The following SLC4A7 variants were observed in gnomAD, a reference collection of about 807,000 sequenced individuals.
The protein encoded by SLC4A7 is solute carrier family 4 member 7.
In SLC4A7, 51 loss-of-function variants were observed where a neutral mutation model predicts 137.6. That is an observed-to-expected ratio of 0.37 (90% confidence interval 0.30 to 0.47). SLC4A7 has a LOEUF of 0.47. SLC4A7 is among the 20% of genes least tolerant of loss of function. The probability of loss-of-function intolerance (pLI) is 1.00; values close to 1 mark genes in which losing one functional copy is unlikely to be tolerated. For missense variants in SLC4A7, 1,247 were observed against 1,525.4 expected (o/e 0.82, Z 3.04); for synonymous variants, 542 against 518.6 (o/e 1.05, Z -0.61).
At chr3:27,445,483 T>C (rs1339994643) in intron 3 of SLC4A7, among the ~76,000 whole-genome samples, 1 of 152,126 alleles carries the variant, frequency 6.6e-6, no homozygotes, top group Non-Finnish European at 1.5e-5. Context: ...CTGCCTCTTA[T>C]ACAATGTCTT....
intron 5 of SLC4A7, among the ~76,000 whole-genome samples, chr3:27,436,124 C>CA (rs1021000869): frequency 6.6e-6 from 1 of 152,086 alleles, no homozygotes; most frequent in African/African-American, 2.4e-5. Flanking sequence ...ATCCCCATTC[C>CA]AAAAAACAAG....
At position 27,484,192 on chromosome 3, in the gene SLC4A7, C is replaced by CT. The variant is rs1459548574; in HGVS notation, c.-67dup. 1 of 1,194,576 alleles carries CT rather than the reference C, an allele frequency of 8.4e-7. No homozygotes were observed. The highest frequency in any genetic ancestry group is 1.1e-6 in the Non-Finnish European group (1 of 951,506). 74.0% of individuals were successfully genotyped at this position (1,194,576 alleles called of 1,614,324 possible). The stretch of plus-strand genomic sequence containing the variant: ...CCGCGCGGTCTGCCTGCTTCTGCCG[C>CT]TGCCCCTGCCGCCGCCGCCGAGCCC... On this transcript the variant is annotated 5_prime_UTR_variant, in exon 1 of 26. Transcript: ENST00000454389.
At chr3:27,445,965 TATATATA>T (rs1197510693) in intron 3 of SLC4A7, among the ~76,000 whole-genome samples, 1 of 12,874 alleles carries the variant, frequency 7.8e-5, no homozygotes, top group Non-Finnish European at 1.3e-4. Context: ...AAAAAAAAAA[TATATATA>T]TATATATATA....
chr3:27,425,999 G>C (rs1199450771), intron 7 of SLC4A7, among the ~76,000 whole-genome samples: 1 of 152,166 alleles, frequency 6.6e-6, no homozygotes, highest in African/African-American at 2.4e-5. Context: ...TGGTAATCAA[G>C]TTCCAGAATT....
intron 1 of SLC4A7, among the ~76,000 whole-genome samples, chr3:27,456,309 G>A (rs2058405200): frequency 6.6e-6 from 1 of 152,120 alleles, no homozygotes; most frequent in Non-Finnish European, 1.5e-5. Flanking sequence ...ACCATATGGA[G>A]TAAATTCATA....
chr3:27,382,894 A>G (rs952976683), intron 24 of SLC4A7, among the ~76,000 whole-genome samples: 5 of 152,224 alleles, frequency 3.3e-5, no homozygotes, highest in Non-Finnish European at 7.3e-5. Flanking sequence ...ATGGAGTGAT[A>G]GAAGACAAGC....
intron 1 of SLC4A7, among the ~76,000 whole-genome samples, chr3:27,458,804 C>T (rs112120825): frequency 0.055 from 8,340 of 152,034 alleles, 759 homozygotes; most frequent in African/African-American, 0.19. Context: ...GCCTGGCCAA[C>T]GTGGTGAAAC....
chr3:27,479,665 C>A (rs1388177846), intron 1 of SLC4A7, among the ~76,000 whole-genome samples: 1 of 152,012 alleles, frequency 6.6e-6, no homozygotes, highest in African/African-American at 2.4e-5. Context: ...TTCCAAACTG[C>A]AAAAATGCAA....
At chr3:27,458,104 A>C (rs575187332) in intron 1 of SLC4A7, among the ~76,000 whole-genome samples, 109 of 152,352 alleles carry the variant, frequency 7.2e-4, no homozygotes, top group African/African-American at 2.5e-3. Flanking sequence ...TTGGATATGC[A>C]GCAGAAATGT....
At chr3:27,459,990 T>C (rs9872945) in intron 1 of SLC4A7, among the ~76,000 whole-genome samples, 21,894 of 89,872 alleles carry the variant, frequency 0.24, 1,795 homozygotes, top group African/African-American at 0.37. Flanking sequence ...TATATATATA[T>C]ACACACACAC....
chr3:27,404,995 A>C, intron 13 of SLC4A7, 32 bp from the exon 14 acceptor site: 1 of 1,497,566 alleles, frequency 6.7e-7, no homozygotes, highest in Non-Finnish European at 9.0e-7. Context: ...GAATAAAAGC[A>C]ATACATCATA....
At chr3:27,435,504 A>C (rs750645290) in intron 5 of SLC4A7, among the ~76,000 whole-genome samples, 1 of 152,162 alleles carries the variant, frequency 6.6e-6, no homozygotes, top group Non-Finnish European at 1.5e-5. Context: ...CTATTCCTCA[A>C]CTTAAAAACC....
At chr3:27,475,516 C>T (rs1245990399) in intron 1 of SLC4A7, among the ~76,000 whole-genome samples, 1 of 151,956 alleles carries the variant, frequency 6.6e-6, no homozygotes, top group East Asian at 1.9e-4. Context: ...CAAATTTTAC[C>T]TTGTTTTGAA....
intron 3 of SLC4A7, among the ~76,000 whole-genome samples, chr3:27,445,053 T>C (rs1416693064): frequency 1.3e-5 from 2 of 152,224 alleles, no homozygotes; most frequent in Non-Finnish European, 1.5e-5. Flanking sequence ...TTCTGAGAAC[T>C]CTATCCAATA....
intron 1 of SLC4A7, among the ~76,000 whole-genome samples, chr3:27,457,394 T>C (rs926988491): frequency 6.6e-6 from 1 of 152,268 alleles, no homozygotes; most frequent in East Asian, 1.9e-4. Context: ...GACAACTGGA[T>C]TCTCATATCT....
chr3:27,427,860 C>T (rs933295563), intron 7 of SLC4A7, among the ~76,000 whole-genome samples: 65 of 152,174 alleles, frequency 4.3e-4, no homozygotes, highest in Non-Finnish European at 8.5e-4. Context: ...AATCTCATCA[C>T]AAAAACTCAT....
At chr3:27,429,177 A>G (rs1361276224) in intron 7 of SLC4A7, among the ~76,000 whole-genome samples, 1 of 151,916 alleles carries the variant, frequency 6.6e-6, no homozygotes, top group Non-Finnish European at 1.5e-5. Flanking sequence ...GAGGCAGGAG[A>G]ATCACTTGAA....
intron 22 of SLC4A7, among the ~76,000 whole-genome samples, chr3:27,387,356 C>T (rs1233926644): frequency 3.3e-5 from 5 of 152,106 alleles, no homozygotes; most frequent in African/African-American, 4.8e-5. Flanking sequence ...ATATACTACT[C>T]ATATAATGCA....
intron 3 of SLC4A7, among the ~76,000 whole-genome samples, chr3:27,446,082 TGTTA>T (rs1440461900): frequency 6.7e-6 from 1 of 148,580 alleles, no homozygotes; most frequent in Admixed American, 6.8e-5. Context: ...GTTAAGGATG[TGTTA>T]ATTAACTTGA....
Sources: allele counts gnomAD v4.1 joint callset (sites outside exome capture counted in the v4.1 genomes callset), GRCh38; gene constraint gnomAD v4.1.1; transcripts MANE v1.5; gene names NCBI Gene and HGNC (gene_info 2026-07-23, HGNC 2026-07-21).